DSCAML1: variants seen among roughly 807,000 people sequenced by gnomAD.
DSCAML1 encodes the protein cell adhesion molecule DSCAML1.
Under a neutral mutation model 200.5 loss-of-function variants are expected in DSCAML1, and 38 were observed. The observed-to-expected ratio is 0.19, with a 90% CI of 0.15 to 0.25. The LOEUF is 0.25. Ranked by LOEUF, DSCAML1 falls within the 10% of genes least tolerant of loss-of-function variation. DSCAML1 has a pLI of 1.00. For synonymous variants in DSCAML1, 1,215 were observed against 1,165.0 expected, an observed-to-expected ratio of 1.04 and a Z score of -0.87; for missense variants, 2,223 against 2,858.8, an observed-to-expected ratio of 0.78 and a Z score of 5.07.
Position 117,463,299 on chromosome 11 carries a change from A to G in DSCAML1, c.3265+1643T>C, listed in dbSNP as rs2048517437. Among the ~76,000 whole-genome samples, 1 of 151,750 alleles carries G rather than the reference A, an allele frequency of 6.6e-6. No homozygotes were observed. Among genetic ancestry groups the G allele is most frequent in the Non-Finnish European group, 1.5e-5 (1 of 68,016 alleles). On this transcript the variant is annotated intron_variant, in intron 17 of 32. Transcript: ENST00000651296. This position sits in a 1 kb window ranked among gnomAD's most constrained non-coding sequence, Gnocchi z 4.0. Reference sequence around the variant, plus strand: ...GGATAATTGTGCGACTCTTGGTGCTATGATTCCCAAAGGTGCTCCCTGGAC... The same window carrying G: ...GGATAATTGTGCGACTCTTGGTGCTGTGATTCCCAAAGGTGCTCCCTGGAC...
Position 117,516,500 on chromosome 11 carries a change from A to G in DSCAML1, c.1750T>C (p.Ser584Pro). 1 of 1,613,868 alleles carries G rather than the reference A, an allele frequency of 6.2e-7. No individual in the cohort carries two copies. The highest frequency in any genetic ancestry group is 8.5e-7 in the Non-Finnish European group (1 of 1,179,950). ...LCSVLIQPQL[S>P]ISQSVHVAVK... ...GCTACGTGAACGCTCTGGCTGATGG[A>G]GAGCTGGGGCTGGATGAGGACACTG... The change falls in exon 8 of 33, where the codon TCC becomes CCC. Residue 584 changes from serine to proline, a missense_variant. Transcript: ENST00000651296. This position sits in a 1 kb window ranked among gnomAD's most constrained non-coding sequence, Gnocchi z 5.7.
chr11:117,657,307 G>C (rs1480135752), intron 3 of DSCAML1, among the ~76,000 whole-genome samples: 2 of 152,198 alleles, frequency 1.3e-5, no homozygotes, highest in African/African-American at 2.4e-5. Flanking sequence ...CAGCCAGAGA[G>C]AGCCTTGAGT....
chr11:117,486,911 C>CTTTTT lies in DSCAML1; in HGVS notation c.2360-4754_2360-4750dup, dbSNP rs56805170. ...GAAAAAAAAAAAGAATGTAAAATAC[C>CTTTTT]TTTTTTTTTTTTTTTTTTTTTTTTT... On this transcript the variant is annotated intron_variant, in intron 11 of 32. Coordinates refer to ENST00000651296, the MANE Select transcript of DSCAML1 (RefSeq NM_020693.4). 7.9e-4 allele frequency among the ~76,000 whole-genome samples: 63 copies of CTTTTT among 79,652 alleles called. 6 individuals carry two copies. Among genetic ancestry groups the CTTTTT allele is most frequent in the East Asian group, 6.7e-3 (16 of 2,386 alleles). 52.3% of individuals were successfully genotyped at this position (79,652 alleles called of 152,430 possible).
intron 3 of DSCAML1, among the ~76,000 whole-genome samples, chr11:117,684,787 C>T (rs1162025008): frequency 1.3e-5 from 2 of 152,194 alleles, no homozygotes; most frequent in Non-Finnish European, 2.9e-5. Context: ...GGAGTCTGAC[C>T]CCTTTCTTCA....
intron 1 of DSCAML1, among the ~76,000 whole-genome samples, chr11:117,783,028 C>A (rs898703553): frequency 2.6e-5 from 4 of 152,162 alleles, no homozygotes; most frequent in East Asian, 3.9e-4. Context: ...TAAAGAGGGA[C>A]CTTCACCTTC....
At chr11:117,573,307 G>C (rs1235801298) in intron 3 of DSCAML1, among the ~76,000 whole-genome samples, 2 of 152,198 alleles carry the variant, frequency 1.3e-5, no homozygotes, top group Non-Finnish European at 2.9e-5. Context: ...GCCTAGACAC[G>C]GGTGGTTATC....
At chr11:117,483,666 G>A (rs562076582) in intron 11 of DSCAML1, among the ~76,000 whole-genome samples, 27 of 152,196 alleles carry the variant, frequency 1.8e-4, no homozygotes, top group Non-Finnish European at 3.4e-4. Flanking sequence ...AGGGAAGGGC[G>A]CCCAGGCAGG....
At chr11:117,687,391 A>G (rs1412187433) in intron 3 of DSCAML1, among the ~76,000 whole-genome samples, 1 of 149,118 alleles carries the variant, frequency 6.7e-6, no homozygotes, top group Non-Finnish European at 1.5e-5. Flanking sequence ...CTCGCAAGTA[A>G]TTAGGACTAC....
At chr11:117,739,776 G>C (rs920899873) in intron 3 of DSCAML1, among the ~76,000 whole-genome samples, 52 of 151,444 alleles carry the variant, frequency 3.4e-4, no homozygotes, top group Non-Finnish European at 1.2e-4. Flanking sequence ...AACACCCAAG[G>C]TCTCACATGG....
chr11:117,511,951 G>A (rs2137292702), intron 8 of DSCAML1, among the ~76,000 whole-genome samples: 1 of 152,394 alleles, frequency 6.6e-6, no homozygotes, highest in Admixed American at 6.5e-5. Flanking sequence ...GTGCAGGCAT[G>A]TTGGGCGTGT....
At chr11:117,649,034 C>T (rs1288684326) in intron 3 of DSCAML1, among the ~76,000 whole-genome samples, 1 of 123,036 alleles carries the variant, frequency 8.1e-6, no homozygotes, top group African/African-American at 3.5e-5. Flanking sequence ...TCTCTCTCTC[C>T]ATATATATGT....
chr11:117,632,918 G>A (rs2052203620), intron 3 of DSCAML1, among the ~76,000 whole-genome samples: 1 of 152,170 alleles, frequency 6.6e-6, no homozygotes. Context: ...GCTTCCAGGA[G>A]TTACCTTAAG....
At chr11:117,619,724 C>T (rs2051887216) in intron 3 of DSCAML1, among the ~76,000 whole-genome samples, 1 of 152,002 alleles carries the variant, frequency 6.6e-6, no homozygotes, top group African/African-American at 2.4e-5. Flanking sequence ...TGTTTTATCT[C>T]ATCCTTTTTA....
intron 4 of DSCAML1, among the ~76,000 whole-genome samples, chr11:117,530,075 C>G (rs531164395): frequency 6.6e-6 from 1 of 152,200 alleles, no homozygotes; most frequent in East Asian, 1.9e-4. Context: ...CTCTTTGTGC[C>G]GGGGCCTCTC....
chr11:117,614,682 C>A (rs2051772696), intron 3 of DSCAML1, among the ~76,000 whole-genome samples: 1 of 152,210 alleles, frequency 6.6e-6, no homozygotes, highest in Non-Finnish European at 1.5e-5. Flanking sequence ...CAAGGTCATG[C>A]AGCCAATCAG....
At chr11:117,727,756 G>A (rs572589347) in intron 3 of DSCAML1, among the ~76,000 whole-genome samples, 128 of 152,304 alleles carry the variant, frequency 8.4e-4, no homozygotes, top group Non-Finnish European at 1.4e-3. Flanking sequence ...GAGCACAGGC[G>A]AGGTGAAGGG....
At chr11:117,608,792 C>T (rs1171980161) in intron 3 of DSCAML1, among the ~76,000 whole-genome samples, 1 of 152,204 alleles carries the variant, frequency 6.6e-6, no homozygotes, top group Admixed American at 6.5e-5. Flanking sequence ...TGACACACAT[C>T]ACCATAAATC....
chr11:117,696,518 G>A (rs1369838842), intron 3 of DSCAML1, among the ~76,000 whole-genome samples: 1 of 152,164 alleles, frequency 6.6e-6, no homozygotes, highest in African/African-American at 2.4e-5. Context: ...GTTTCAGTTT[G>A]GTCATTGGTT....
intron 14 of DSCAML1, among the ~76,000 whole-genome samples, chr11:117,474,501 T>C (rs899053077): frequency 3.3e-5 from 5 of 152,120 alleles, no homozygotes; most frequent in African/African-American, 1.2e-4. Flanking sequence ...CCCAGATTAA[T>C]ATCCAGCCTG....
Sources: gnomAD v4.1 joint callset for allele counts (sites outside exome capture counted in the v4.1 genomes callset) on GRCh38, gnomAD v4.1.1 for gene constraint, Gnocchi (gnomAD v3.1) non-coding constraint, MANE v1.5 for transcripts, NCBI Gene and HGNC (gene_info 2026-07-23, HGNC 2026-07-21) for gene names.